The following VEPH1 variants were observed in gnomAD, a reference collection of about 807,000 sequenced individuals.
VEPH1 encodes the protein ventricular zone expressed PH domain containing 1.
In VEPH1, 80 loss-of-function variants were observed where a neutral mutation model predicts 85.2. The observed-to-expected ratio is 0.94, with a 90% CI of 0.78 to 1.13. The LOEUF (loss-of-function observed/expected upper bound fraction) is 1.13. Among genes scored for constraint, VEPH1 ranks in the 50% most tolerant of loss-of-function variants. VEPH1 has a pLI of 0.00. For missense variants in VEPH1, 955 were observed against 980.5 expected (o/e 0.97, Z 0.35); for synonymous variants, 297 against 348.0 (o/e 0.85, Z 1.63).
At chr3:157,344,463 A>G (rs1723965133) in intron 9 of VEPH1, among the ~76,000 whole-genome samples, 1 of 152,208 alleles carries the variant, frequency 6.6e-6, no homozygotes, top group Non-Finnish European at 1.5e-5. Flanking sequence ...TAGGAATCCA[A>G]CTTACAAGGG....
intron 11 of VEPH1, among the ~76,000 whole-genome samples, chr3:157,305,382 T>C (rs1337094786): frequency 6.6e-6 from 1 of 152,086 alleles, no homozygotes; most frequent in East Asian, 1.9e-4. Flanking sequence ...AGTGCTGGGA[T>C]TACAGGCGTG....
At chr3:157,496,600 T>G (rs1739684376) in intron 1 of VEPH1, among the ~76,000 whole-genome samples, 1 of 152,220 alleles carries the variant, frequency 6.6e-6, no homozygotes, top group Non-Finnish European at 1.5e-5. Flanking sequence ...CCTAGCATTT[T>G]ACTCTGAATG....
chr3:157,301,157 G>A (rs1432741582), intron 11 of VEPH1, among the ~76,000 whole-genome samples: 1 of 152,200 alleles, frequency 6.6e-6, no homozygotes, highest in Non-Finnish European at 1.5e-5. Flanking sequence ...GGAGCATGCT[G>A]TAAACATAGC....
At chr3:157,381,720 GA>G (rs1006183569) in intron 6 of VEPH1, 153 of 193,400 alleles carry the variant, frequency 7.9e-4, no homozygotes, top group Middle Eastern at 4.2e-3. Context: ...CTCGGTCTCA[GA>G]AAAAAAAAAT....
chr3:157,338,731 A>C (rs1169030563), intron 9 of VEPH1, among the ~76,000 whole-genome samples: 3 of 152,224 alleles, frequency 2.0e-5, no homozygotes, highest in Admixed American at 6.5e-5. Flanking sequence ...TGTCACCCTA[A>C]CTATAAGTAA....
intron 9 of VEPH1, among the ~76,000 whole-genome samples, chr3:157,357,620 G>A (rs752711928): frequency 3.3e-5 from 5 of 152,030 alleles, no homozygotes; most frequent in Non-Finnish European, 2.9e-5. Context: ...AGCCTCCTGA[G>A]TAGCTGGGAC....
intron 9 of VEPH1, among the ~76,000 whole-genome samples, chr3:157,346,718 C>T (rs1724263944): frequency 6.6e-6 from 1 of 152,076 alleles, no homozygotes; most frequent in African/African-American, 2.4e-5. Context: ...GCAATCTTCC[C>T]ACCTCAGCCT....
chr3:157,383,072 T>A (rs1425408973), intron 6 of VEPH1, among the ~76,000 whole-genome samples: 1 of 152,098 alleles, frequency 6.6e-6, no homozygotes, highest in Admixed American at 6.5e-5. Context: ...CAAGTAATCC[T>A]CCTGCCTCAG....
At chr3:157,284,131 G>T (rs553529727) in intron 12 of VEPH1, among the ~76,000 whole-genome samples, 6 of 152,092 alleles carry the variant, frequency 3.9e-5, no homozygotes, top group Non-Finnish European at 1.5e-5. Flanking sequence ...ATTTGATATC[G>T]TTACCATATA....
intron 4 of VEPH1, among the ~76,000 whole-genome samples, chr3:157,436,014 C>T (rs1410208211): frequency 1.3e-5 from 2 of 152,166 alleles, no homozygotes; most frequent in South Asian, 2.1e-4. Context: ...AGGTGGCTCA[C>T]GTCTGTAATC....
chr3:157,492,058 G>A (rs552742844), intron 2 of VEPH1, among the ~76,000 whole-genome samples: 2 of 152,232 alleles, frequency 1.3e-5, no homozygotes, highest in Admixed American at 6.5e-5. Context: ...AAACAAGATT[G>A]TCCTTTGAGG....
intron 2 of VEPH1, among the ~76,000 whole-genome samples, chr3:157,480,800 T>C (rs1737971162): frequency 6.6e-6 from 1 of 152,158 alleles, no homozygotes; most frequent in Admixed American, 6.5e-5. Flanking sequence ...TTATTTTCCT[T>C]TGAGTATATA....
rs145160280 is a variant in VEPH1 at position 157,332,224 on chromosome 3, T to C, written c.1736-15023A>G. ...GTCATATATTTAAAACAAATTCTTA[T>C]TGCAGTAAAATACATGTAACATAAA... On this transcript the variant is annotated intron_variant, in intron 9 of 13. Transcript: ENST00000362010. Among the ~76,000 whole-genome samples, 31 of 152,364 alleles carry C rather than the reference T, an allele frequency of 2.0e-4. No homozygotes were observed. In the East Asian group the frequency reaches 5.8e-3, roughly 28 times the overall value.
rs767599864 is a variant in VEPH1 at position 157,460,080 on chromosome 3, T to C, written c.529+101A>G. On this transcript the variant is annotated intron_variant, in intron 4 of 13. Coordinates refer to ENST00000362010, the MANE Select transcript of VEPH1 (RefSeq NM_001167912.2). The stretch of plus-strand genomic sequence containing the variant: ...CAAAACAGAGAAATTAATTTGCTTC[T>C]AATACTCTAGGTCTTGCTTCCCACA... 4.3e-6 allele frequency: 7 copies of C among 1,609,914 alleles called. No homozygotes were observed. The South Asian group carries it at 4.4e-5, about 10-fold the overall frequency.
At chr3:157,411,174 C>T (rs907865994) in intron 6 of VEPH1, among the ~76,000 whole-genome samples, 1 of 152,112 alleles carries the variant, frequency 6.6e-6, no homozygotes, top group Non-Finnish European at 1.5e-5. Context: ...CTTTCTGGTG[C>T]ACTCAGGAAT....
intron 4 of VEPH1, among the ~76,000 whole-genome samples, chr3:157,432,541 TTGAG>T (rs1470818987): frequency 6.6e-6 from 1 of 152,170 alleles, no homozygotes; most frequent in Non-Finnish European, 1.5e-5. Context: ...ATTTTTTCTA[TTGAG>T]TAGTCAATTG....
Position 157,369,180 on chromosome 3 carries a change from G to GAAAAAAAAAAAAAAAAA in VEPH1, c.1128-4685_1128-4669dup, listed in dbSNP as rs58451868. 5.6e-3 allele frequency among the ~76,000 whole-genome samples: 239 copies of GAAAAAAAAAAAAAAAAA among 42,782 alleles called. 56 individuals carry two copies. Among genetic ancestry groups the GAAAAAAAAAAAAAAAAA allele is most frequent in the South Asian group, 0.018 (8 of 440 alleles). The allele number at this position is 42,782 out of a possible 152,430, so 28.1% of individuals were successfully genotyped here. A position where few individuals can be genotyped will look rare whatever the true frequency, so the allele number is the denominator to read the frequency against. Reference sequence around the variant, plus strand: ...ACAACAACAACAACAAAAACCAAATGAAAAAAAAAAAAAAAAAAAAAAAAC... The same window carrying GAAAAAAAAAAAAAAAAA: ...ACAACAACAACAACAAAAACCAAATGAAAAAAAAAAAAAAAAAAAAAAAAAAAAAAAAAAAAAAAAAC... On this transcript the variant is annotated intron_variant, in intron 7 of 13. Transcript: ENST00000362010.
At chr3:157,360,839 C>T (rs1310423974) in intron 9 of VEPH1, among the ~76,000 whole-genome samples, 1 of 152,070 alleles carries the variant, frequency 6.6e-6, no homozygotes, top group Non-Finnish European at 1.5e-5. Context: ...AATCAGGGAC[C>T]ATCTGTAATT....
chr3:157,418,453 G>C (rs1040193615), intron 5 of VEPH1, among the ~76,000 whole-genome samples: 1 of 152,034 alleles, frequency 6.6e-6, no homozygotes, highest in Non-Finnish European at 1.5e-5. Flanking sequence ...CAATTCCTCT[G>C]TAAAGAATAA....
Sources: gnomAD v4.1 joint callset for allele counts (sites outside exome capture counted in the v4.1 genomes callset) on GRCh38, gnomAD v4.1.1 for gene constraint, MANE v1.5 for transcripts, NCBI Gene and HGNC (gene_info 2026-07-23, HGNC 2026-07-21) for gene names.